Variants in PTCHD4 observed in about 807,000 individuals in gnomAD.
PTCHD4 encodes the protein patched domain containing 4.
PTCHD4 carries 33 observed loss-of-function variants against 58.1 expected under a neutral mutation model. That is an observed-to-expected ratio of 0.57 (90% confidence interval 0.43 to 0.76). The LOEUF is 0.76. Among genes scored for constraint, PTCHD4 ranks in the 30% least tolerant of loss-of-function variants. PTCHD4 has a pLI of 0.00. For missense variants in PTCHD4, 1,058 were observed against 1,027.1 expected (o/e 1.03, Z -0.41); for synonymous variants, 478 against 409.6 (o/e 1.17, Z -2.02).
intron 1 of PTCHD4, among the ~76,000 whole-genome samples, chr6:48,097,384 C>T (rs1269324022): frequency 3.9e-5 from 6 of 152,054 alleles, no homozygotes; most frequent in Non-Finnish European, 8.8e-5. Context: ...GCATCATTAT[C>T]CCATCTGAAA....
intron 4 of PTCHD4, among the ~76,000 whole-genome samples, chr6:47,972,606 A>G (rs906453922): frequency 6.6e-6 from 1 of 151,986 alleles, no homozygotes; most frequent in African/African-American, 2.4e-5. Flanking sequence ...TTTGCTTTTT[A>G]AAAATTTTAA....
In PTCHD4 at chr6:47,872,844, C is replaced by T. The variant is rs1581804986; in HGVS notation, c.*5459G>A. Among the ~76,000 whole-genome samples the T allele has an allele frequency of 6.6e-6, 1 of 151,504 alleles. No homozygotes were observed. The highest frequency in any genetic ancestry group is 2.4e-5 in the African/African-American group (1 of 41,316). ...TAGGAAGTTATACTATAAATATATTCTTAACCCTATATATTGCTCTTTTGA... is the reference window on the plus strand; with the variant it reads ...TAGGAAGTTATACTATAAATATATTTTTAACCCTATATATTGCTCTTTTGA... On this transcript the variant is annotated 3_prime_UTR_variant, in exon 5 of 5. Transcript: ENST00000339488.
intron 3 of PTCHD4, among the ~76,000 whole-genome samples, chr6:48,039,109 C>A (rs1763751182): frequency 6.6e-6 from 1 of 152,062 alleles, no homozygotes. Context: ...ATGTTTATGG[C>A]AGTATTATCT....
intron 3 of PTCHD4, among the ~76,000 whole-genome samples, chr6:48,013,330 A>AT (rs1762751512): frequency 1.3e-5 from 2 of 151,238 alleles, no homozygotes; most frequent in Admixed American, 6.6e-5. Context: ...ATTTATCTCA[A>AT]TGTTACTAAC....
chr6:47,993,005 C>A (rs1175992749), intron 4 of PTCHD4, among the ~76,000 whole-genome samples: 2 of 152,118 alleles, frequency 1.3e-5, no homozygotes, highest in Admixed American at 6.6e-5. Context: ...TAGAAGCCTG[C>A]AGTATAATGT....
chr6:47,950,976 C>T (rs1766624182), intron 4 of PTCHD4, among the ~76,000 whole-genome samples: 1 of 152,026 alleles, frequency 6.6e-6, no homozygotes, highest in Admixed American at 6.6e-5. Flanking sequence ...GTGACCTTGT[C>T]ACTAATGTTG....
chr6:47,884,978 C>T (rs1327384106), intron 4 of PTCHD4, among the ~76,000 whole-genome samples: 2 of 152,090 alleles, frequency 1.3e-5, no homozygotes, highest in Admixed American at 6.6e-5. Context: ...GAGATTAGCT[C>T]ACTGCTATAG....
Position 47,879,726 on chromosome 6 carries a change from A to G in PTCHD4, c.1109T>C (p.Val370Ala). ...GTAGAAGTAGTTCAACAGAATAGAG[A>G]CACACATGTTTTGACAGAAGACCTT... ...AVKVFCQNMC[V>A]SILLNYFYIF... Residue 370 changes from valine to alanine, a missense_variant, in exon 5 of 5, where the codon GTC (valine) becomes GCC (alanine). Val to Ala is a moderately conservative substitution (Grantham distance 64). Coordinates refer to ENST00000339488, the MANE Select transcript of PTCHD4 (RefSeq NM_001384253.1). 1 of 1,613,646 alleles carries G rather than the reference A, an allele frequency of 6.2e-7. No homozygotes were observed.
At chr6:47,994,032 A>C (rs1040850006) in intron 4 of PTCHD4, among the ~76,000 whole-genome samples, 16 of 152,186 alleles carry the variant, frequency 1.1e-4, no homozygotes, top group Admixed American at 9.8e-4. Flanking sequence ...CCTCCCAGAG[A>C]CTGAAGTTGT....
intron 4 of PTCHD4, among the ~76,000 whole-genome samples, chr6:48,007,902 T>C (rs559966373): frequency 6.6e-6 from 1 of 151,146 alleles, no homozygotes; most frequent in East Asian, 2.0e-4. Flanking sequence ...ATTCCCAGAT[T>C]TGATCTTCTC....
rs1764317590 is a variant in PTCHD4, at chr6:47,889,716, A to C, written c.899-9780T>G. 3.3e-5 allele frequency among the ~76,000 whole-genome samples: 5 copies of C among 151,380 alleles called. No homozygotes were observed. In the South Asian group the frequency reaches 1.0e-3, roughly 32 times the overall value. On this transcript the variant is annotated intron_variant, in intron 4 of 4. Transcript: ENST00000339488. ...ACTAAAATCAATTCAAGATGGATTA[A>C]AGACTTAAATGTTAGACCTAAAACC...
intron 4 of PTCHD4, among the ~76,000 whole-genome samples, chr6:47,940,734 G>A (rs958222322): frequency 1.3e-5 from 2 of 152,004 alleles, no homozygotes; most frequent in Non-Finnish European, 2.9e-5. Flanking sequence ...ATAAGATATG[G>A]GAAAAACCAA....
intron 4 of PTCHD4, among the ~76,000 whole-genome samples, chr6:47,955,939 C>A (rs893353938): frequency 1.3e-5 from 2 of 152,080 alleles, no homozygotes; most frequent in Non-Finnish European, 2.9e-5. Flanking sequence ...CTAAATTAAA[C>A]TTTTATTATG....
chr6:47,907,115 A>C lies in PTCHD4; in HGVS notation c.899-27179T>G, dbSNP rs537066658. ...TTTTCAAATCTTGGATGGAGCTACA[A>C]GTCTCTAGTGTCCAAGTGGAATTGG... is the stretch of plus-strand genomic sequence containing the variant. On this transcript the variant is annotated intron_variant, in intron 4 of 4. Transcript: ENST00000339488. 2.6e-5 allele frequency among the ~76,000 whole-genome samples: 4 copies of C among 152,310 alleles called. No individual in the cohort carries two copies. In the South Asian group the frequency reaches 8.3e-4, roughly 32 times the overall value.
chr6:47,899,959 G>A (rs1764646124), intron 4 of PTCHD4: 1 of 152,156 alleles, frequency 6.6e-6, no homozygotes, highest in South Asian at 2.1e-4. Flanking sequence ...GCATGTATCA[G>A]TACTTGTTTC....
At chr6:47,975,463 T>C (rs1263312003) in intron 4 of PTCHD4, among the ~76,000 whole-genome samples, 2 of 152,102 alleles carry the variant, frequency 1.3e-5, no homozygotes, top group African/African-American at 4.8e-5. Context: ...GTCTGTTACA[T>C]AGGACAATGT....
rs369552777 is a variant in PTCHD4 at position 47,982,323 on chromosome 6, T to C, written c.898+26311A>G. ...CCCTTTGGATTTTCTCCAACAAATC[T>C]ATCACAATCTGCTCTTTTTCTCTGG... On this transcript the variant is annotated intron_variant, in intron 4 of 4. Coordinates refer to ENST00000339488, the MANE Select transcript of PTCHD4 (RefSeq NM_001384253.1). 1.1e-3 allele frequency among the ~76,000 whole-genome samples: 172 copies of C among 152,276 alleles called. 1 individual carries two copies. In the South Asian group the frequency reaches 0.033, roughly 30 times the overall value.
At chr6:47,964,001 C>T (rs1487150704) in intron 4 of PTCHD4, among the ~76,000 whole-genome samples, 3 of 151,830 alleles carry the variant, frequency 2.0e-5, no homozygotes, top group Admixed American at 1.3e-4. Flanking sequence ...TTTATGCCAA[C>T]GTGCTGTTGC....
chr6:48,064,123 T>C (rs1220704517), intron 3 of PTCHD4, among the ~76,000 whole-genome samples: 1 of 152,180 alleles, frequency 6.6e-6, no homozygotes, highest in Non-Finnish European at 1.5e-5. Context: ...AATGGCAGGA[T>C]TCAGGGAAAT....
Sources: allele counts gnomAD v4.1 joint callset (sites outside exome capture counted in the v4.1 genomes callset), GRCh38; gene constraint gnomAD v4.1.1; transcripts MANE v1.5; gene names NCBI Gene and HGNC (gene_info 2026-07-23, HGNC 2026-07-21).